ATR: variants seen among roughly 807,000 people sequenced by gnomAD.
The protein encoded by ATR is ATR checkpoint kinase.
ATR carries 142 observed loss-of-function variants against 305.3 expected under a neutral mutation model. That is an observed-to-expected ratio of 0.47 (90% CI 0.41 to 0.53). The LOEUF (loss-of-function observed/expected upper bound fraction) is 0.53. Among genes scored for constraint, ATR ranks in the 20% least tolerant of loss-of-function variants. The probability of loss-of-function intolerance (pLI) is 0.00; values close to 1 mark genes in which losing one functional copy is unlikely to be tolerated. For missense variants in ATR, 2,135 were observed against 3,133.1 expected, an observed-to-expected ratio of 0.68 and a Z score of 7.60; for synonymous variants, 1,050 against 1,068.1, an observed-to-expected ratio of 0.98 and a Z score of 0.33.
At chr3:142,488,134 T>C (rs2031062244) in intron 35 of ATR, among the ~76,000 whole-genome samples, 1 of 152,198 alleles carries the variant, frequency 6.6e-6, no homozygotes, top group South Asian at 2.1e-4. Context: ...TTAAGGTCTT[T>C]ATACCTGCTC....
At chr3:142,513,004 T>C (rs1162407875) in intron 26 of ATR, among the ~76,000 whole-genome samples, 1 of 152,142 alleles carries the variant, frequency 6.6e-6, no homozygotes, top group East Asian at 1.9e-4. Flanking sequence ...GATTATTCAA[T>C]AAATGATAAT....
At chr3:142,559,102 CTAT>C (rs2034786730) in intron 7 of ATR, 146 bp downstream of exon 7, 3 of 852,136 alleles carry the variant, frequency 3.5e-6, no homozygotes, top group Non-Finnish European at 5.3e-6. Context: ...CTCAGAACTT[CTAT>C]TATTGACAAA....
Position 142,536,212 on chromosome 3 carries a change from G to A in ATR, c.3726-11C>T. On this transcript the variant is annotated splice_polypyrimidine_tract_variant and intron_variant, in intron 19 of 46. Coordinates refer to ENST00000350721, the MANE Select transcript of ATR (RefSeq NM_001184.4). Reference sequence around the variant, plus strand: ...TCTTGCACAGCATCCCTAATAGTTAGTTGGAATAAAAAGAATTATTTGCCA... The same window carrying A: ...TCTTGCACAGCATCCCTAATAGTTAATTGGAATAAAAAGAATTATTTGCCA... The A allele has an allele frequency of 6.6e-7, 1 of 1,525,784 alleles. No individual in the cohort carries two copies. Among genetic ancestry groups the A allele is most frequent in the South Asian group, 1.1e-5 (1 of 88,342 alleles). 94.5% of individuals were successfully genotyped at this position (1,525,784 alleles called of 1,614,324 possible).
In ATR at chr3:142,578,701, C is replaced by G; in HGVS notation, c.4G>C (p.Gly2Arg). The change falls in exon 1 of 47, where the codon GGG (glycine) becomes CGG (arginine). Residue 2 changes from glycine to arginine, a missense_variant. Gly to Arg is a moderately radical substitution (Grantham distance 125, BLOSUM62 -2). Around this residue, in one of 9 missense-constraint regions of ATR, gnomAD observed 744 missense variants for 873.2 expected, o/e 0.85. Transcript: ENST00000350721. M[G>R]EHGLELASMI... The stretch of plus-strand genomic sequence containing the variant: ...GAAGCCAGCTCCAGGCCATGTTCCC[C>G]CATGCTGAGGCTGCGAGGCACTAGT... 6.2e-7 allele frequency: 1 copy of G among 1,613,182 alleles called. No individual in the cohort carries two copies. The highest frequency in any genetic ancestry group is 8.5e-7 in the Non-Finnish European group (1 of 1,179,754).
chr3:142,506,075 G>C (rs1184722608), intron 28 of ATR, among the ~76,000 whole-genome samples: 1 of 152,194 alleles, frequency 6.6e-6, no homozygotes, highest in African/African-American at 2.4e-5. Flanking sequence ...AATTTTCTTA[G>C]CAAGAATAGT....
chr3:142,513,721 A>T, intron 25 of ATR, 83 bp from the exon 26 acceptor site: 4 of 1,349,780 alleles, frequency 3.0e-6, no homozygotes, highest in Non-Finnish European at 4.1e-6. Flanking sequence ...ATAATTTATC[A>T]CAAACGAGTA....
chr3:142,468,017 T>C lies in ATR; in HGVS notation c.6604A>G (p.Ile2202Val), dbSNP rs769959479. 4 of 1,613,056 alleles carry C rather than the reference T, an allele frequency of 2.5e-6. No homozygotes were observed. The African/African-American group carries it at 5.3e-5, about 22-fold the overall frequency. Residue 2202 changes from isoleucine (I) to valine (V), a missense_variant, in exon 39 of 47, where the codon ATT becomes GTT. Physicochemically the swap from Ile to Val is conservative, Grantham distance 29. This residue lies in a region of ATR where 462 missense variants were observed against 887.6 expected (regional missense o/e 0.52). Transcript: ENST00000350721. Reference sequence around the variant, plus strand: ...TTCTCTAAGGATTTTTTCATATGAATAGCTTTATTGAGGATTTCCTTGCAT... The same window carrying C: ...TTCTCTAAGGATTTTTTCATATGAACAGCTTTATTGAGGATTTCCTTGCAT... ...NRCKEILNKAIHMKKSLEKFV... is the reference protein window; with the variant it reads ...NRCKEILNKAVHMKKSLEKFV...
chr3:142,525,032 G>A (rs779062915), intron 21 of ATR, among the ~76,000 whole-genome samples: 6 of 152,076 alleles, frequency 3.9e-5, no homozygotes, highest in Admixed American at 6.5e-5. Flanking sequence ...AAAGAAAAAC[G>A]AAAAGACATT....
At chr3:142,545,027 C>A (rs2034213382) in intron 16 of ATR, among the ~76,000 whole-genome samples, 1 of 152,172 alleles carries the variant, frequency 6.6e-6, no homozygotes, top group Non-Finnish European at 1.5e-5. Context: ...TGTCAACATT[C>A]CAATATTAAA....
At chr3:142,490,120 G>C (rs1410505215) in intron 35 of ATR, among the ~76,000 whole-genome samples, 1 of 152,158 alleles carries the variant, frequency 6.6e-6, no homozygotes, top group African/African-American at 2.4e-5. Context: ...ATGCAGTGGT[G>C]CAATCATAGC....
intron 13 of ATR, among the ~76,000 whole-genome samples, chr3:142,552,417 C>T (rs1229826930): frequency 1.3e-5 from 2 of 152,150 alleles, no homozygotes; most frequent in Non-Finnish European, 2.9e-5. Context: ...TGCCTGTAAT[C>T]CTAGCACTTT....
At position 142,449,419 on chromosome 3, in the gene ATR, T is replaced by G; in HGVS notation, c.*10A>C. ...TAGATTATTAACATATTCTTTTACA[T>G]AATTTCATTTCACATATATGGAGTC... On this transcript the variant is annotated 3_prime_UTR_variant, in exon 47 of 47. Transcript: ENST00000350721. 6.3e-7 allele frequency: 1 copy of G among 1,591,506 alleles called. No individual in the cohort carries two copies. The highest frequency in any genetic ancestry group is 2.2e-5 in the East Asian group (1 of 44,738).
intron 36 of ATR, among the ~76,000 whole-genome samples, chr3:142,481,541 G>A (rs1035851261): frequency 3.9e-5 from 6 of 152,168 alleles, no homozygotes; most frequent in Admixed American, 3.9e-4. Flanking sequence ...CCAGTGGCTT[G>A]TGGCTTGACT....
intron 13 of ATR, 65 bp downstream of exon 13, chr3:142,553,162 T>G: frequency 6.5e-7 from 1 of 1,544,246 alleles, no homozygotes; most frequent in Admixed American, 1.7e-5. Flanking sequence ...ATAAATATTC[T>G]TCTTTTTTGT....
chr3:142,454,596 C>T (rs1337872453), intron 45 of ATR, among the ~76,000 whole-genome samples: 4 of 151,610 alleles, frequency 2.6e-5, no homozygotes, highest in African/African-American at 9.7e-5. Flanking sequence ...CGCCCGCCAC[C>T]TCGCCCGGCT....
At chr3:142,550,450 T>TAG in intron 13 of ATR, 148 bp from the exon 14 acceptor site, 2 of 827,588 alleles carry the variant, frequency 2.4e-6, no homozygotes, top group Non-Finnish European at 3.8e-6. Context: ...CTTAATGAGG[T>TAG]AGACTATGTC....
Position 142,559,336 on chromosome 3 carries a change from A to AT in ATR, c.1646_1647insA (p.Ser549ArgfsTer16). 1 of 1,613,990 alleles carries AT rather than the reference A, an allele frequency of 6.2e-7. No individual in the cohort carries two copies. The highest frequency in any genetic ancestry group is 2.2e-5 in the East Asian group (1 of 44,834). On this transcript the variant is annotated frameshift_variant, in exon 7 of 47. Coordinates refer to ENST00000350721, the MANE Select transcript of ATR (RefSeq NM_001184.4). LOFTEE classifies it high-confidence loss of function. ...CCAGTTTCTGAACAGATTCTAACAA[A>AT]CTTCTACAGCTCTTAAGCACTTTTG...
At chr3:142,488,157 C>T (rs2031064173) in intron 35 of ATR, among the ~76,000 whole-genome samples, 1 of 152,142 alleles carries the variant, frequency 6.6e-6, no homozygotes, top group Non-Finnish European at 1.5e-5. Flanking sequence ...TTCCTTCCTG[C>T]TGGGCTGCAG....
At position 142,459,316 on chromosome 3, in the gene ATR, T is replaced by G. The variant is rs753611213; in HGVS notation, c.7260A>C (p.Lys2420Asn). 5.0e-6 allele frequency: 8 copies of G among 1,613,640 alleles called. No homozygotes were observed. In the South Asian group the frequency reaches 6.6e-5, roughly 13 times the overall value. ...MLPKSAALSEKLKVFREFLLP... is the reference protein window; with the variant it reads ...MLPKSAALSENLKVFREFLLP... ...GGAGAAATTCTCGGAATACTTTGAG[T>G]TTTTCAGATAAAGCTGCTGACTTTG... The change falls in exon 43 of 47, where the codon AAA becomes AAC. Residue 2420 changes from lysine (K) to asparagine (N), a missense_variant. Transcript: ENST00000350721.
Sources: allele counts gnomAD v4.1 joint callset (sites outside exome capture counted in the v4.1 genomes callset), GRCh38; gene constraint gnomAD v4.1.1; regional missense constraint gnomAD v4.1.1; transcripts MANE v1.5; gene names NCBI Gene and HGNC (gene_info 2026-07-23, HGNC 2026-07-21).